KCNQ1OT1: variants seen among roughly 807,000 people sequenced by gnomAD.
The protein encoded by KCNQ1OT1 is KCNQ1 opposite strand/antisense transcript 1, also known as KCNQ1 antisense RNA 2 (non-protein coding).
chr11:2,632,064 T>C, exon 1 of KCNQ1OT1: 2 of 395,892 alleles, frequency 5.1e-6, no homozygotes, highest in Non-Finnish European at 8.9e-6. Flanking sequence ...GTGCCTGTAG[T>C]CCCAGCTACT....
rs529476628 is a variant in KCNQ1OT1, at chr11:2,688,162, C to G, written n.11833G>C. 18 of 398,678 alleles carry G rather than the reference C, an allele frequency of 4.5e-5. No homozygotes were observed. The Admixed American group carries it at 5.7e-4, about 13-fold the overall frequency. 24.7% of individuals were successfully genotyped at this position (398,678 alleles called of 1,614,324 possible). A position where few individuals can be genotyped will look rare whatever the true frequency, so the allele number is the denominator to read the frequency against. On this transcript the variant is annotated non_coding_transcript_exon_variant, in exon 1 of 1. Coordinates refer to ENST00000597346, the Ensembl canonical transcript of KCNQ1OT1. ...GAGAGACCCCACGCAGCTCCCTAGG[C>G]CTCTGCAGACAGCTCCCAAGCAAGG...
At position 2,671,915 on chromosome 11, in the gene KCNQ1OT1, A is replaced by G. The variant is rs1036868959; in HGVS notation, n.28080T>C. 1.0e-5 allele frequency: 4 copies of G among 398,690 alleles called. No homozygotes were observed. 24.7% of individuals were successfully genotyped at this position (398,690 alleles called of 1,614,324 possible). A position where few individuals can be genotyped will look rare whatever the true frequency, so the allele number is the denominator to read the frequency against. On this transcript the variant is annotated non_coding_transcript_exon_variant, in exon 1 of 1. Transcript: ENST00000597346. The surrounding 1 kb of genome is among the most constrained non-coding windows in gnomAD (Gnocchi z 4.7). ...AGGCAGCCAGCCTGTGGGCCCCGCT[A>G]TGCTTCCTCAGGCAGCTAGTCTCTG...
chr11:2,646,060 C>T, exon 1 of KCNQ1OT1: 1 of 398,586 alleles, frequency 2.5e-6, no homozygotes, highest in Non-Finnish European at 4.4e-6. Flanking sequence ...CTTCATGATC[C>T]CAGCCAGTCC....
exon 1 of KCNQ1OT1, chr11:2,648,542 A>G (rs892334744): frequency 5.0e-6 from 2 of 398,540 alleles, no homozygotes; most frequent in Admixed American, 4.4e-5. Context: ...GTGGTCATTC[A>G]GGAACATGTA....
chr11:2,685,934 C>T (rs1850481575), exon 1 of KCNQ1OT1: 1 of 398,782 alleles, frequency 2.5e-6, no homozygotes, highest in Non-Finnish European at 4.4e-6. Context: ...TGGGCCCACT[C>T]TCCCATCCTC....
chr11:2,691,599 A>G lies in KCNQ1OT1; in HGVS notation n.8396T>C, dbSNP rs1408148282. The G allele has an allele frequency of 5.0e-6, 2 of 398,436 alleles. No individual in the cohort carries two copies. Among genetic ancestry groups the G allele is most frequent in the Non-Finnish European group, 8.8e-6 (2 of 226,050 alleles). 24.7% of individuals were successfully genotyped at this position (398,436 alleles called of 1,614,324 possible). ...GGACGAGGCCTCCCTGAGGGAGTCA[A>G]CCTAGCTTGTTCCCTGCACGTACTG... is the stretch of plus-strand genomic sequence containing the variant. On this transcript the variant is annotated non_coding_transcript_exon_variant, in exon 1 of 1. Transcript: ENST00000597346. The surrounding 1 kb of genome is among the most constrained non-coding windows in gnomAD (Gnocchi z 6.4).
chr11:2,622,179 CTG>C, exon 1 of KCNQ1OT1: 1 of 398,358 alleles, frequency 2.5e-6, no homozygotes, highest in Admixed American at 4.4e-5. Context: ...TATTGTAGAA[CTG>C]TCTTTCTCAC....
Position 2,654,541 on chromosome 11 carries a change from C to T in KCNQ1OT1, n.45454G>A, listed in dbSNP as rs1321334763. 1.5e-5 allele frequency: 6 copies of T among 398,552 alleles called. No homozygotes were observed. Among genetic ancestry groups the T allele is most frequent in the Non-Finnish European group, 1.8e-5 (4 of 226,194 alleles). The allele number at this position is 398,552 out of a possible 1,614,324, so 24.7% of individuals were successfully genotyped here. A position where few individuals can be genotyped will look rare whatever the true frequency, so the allele number is the denominator to read the frequency against. On this transcript the variant is annotated non_coding_transcript_exon_variant, in exon 1 of 1. Coordinates refer to ENST00000597346, the Ensembl canonical transcript of KCNQ1OT1. This position sits in a 1 kb window ranked among gnomAD's most constrained non-coding sequence, Gnocchi z 6.4. ...AGCTTGTGGAAGAGGGCTTGGGTTA[C>T]ACCTGGGAGATTAGGCCGGATTTTA... is the stretch of plus-strand genomic sequence containing the variant.
chr11:2,692,356 C>T (rs542135825), exon 1 of KCNQ1OT1: 1 of 398,960 alleles, frequency 2.5e-6, no homozygotes, highest in East Asian at 3.6e-5. Flanking sequence ...CTGCAGGCAT[C>T]TCCTAACTGG....
Position 2,698,079 on chromosome 11 carries a change from A to G in KCNQ1OT1, n.1916T>C. On this transcript the variant is annotated non_coding_transcript_exon_variant, in exon 1 of 1. Coordinates refer to ENST00000597346, the Ensembl canonical transcript of KCNQ1OT1. This position sits in a 1 kb window ranked among gnomAD's most constrained non-coding sequence, Gnocchi z 5.1. Reference sequence around the variant, plus strand: ...AATCCTGCCTGCCTGCTTTCCTTCAAGTACTGACTGAGTAAGGCTGTGTAT... The same window carrying G: ...AATCCTGCCTGCCTGCTTTCCTTCAGGTACTGACTGAGTAAGGCTGTGTAT... 1 of 398,670 alleles carries G rather than the reference A, an allele frequency of 2.5e-6. No individual in the cohort carries two copies. The highest frequency in any genetic ancestry group is 4.4e-6 in the Non-Finnish European group (1 of 226,074). 24.7% of individuals were successfully genotyped at this position (398,670 alleles called of 1,614,324 possible).
At chr11:2,684,625 G>A (rs2133884625) in exon 1 of KCNQ1OT1, 1 of 398,682 alleles carries the variant, frequency 2.5e-6, no homozygotes, top group African/African-American at 2.1e-5. Context: ...TTGAGGCTAA[G>A]CCTTCCTTGA....
At chr11:2,614,056 C>T (rs557833424) in exon 1 of KCNQ1OT1, 1 of 398,582 alleles carries the variant, frequency 2.5e-6, no homozygotes, top group Non-Finnish European at 4.4e-6. Context: ...AACCTTTCAA[C>T]CAATCTCTTA....
At chr11:2,632,894 C>G (rs1488890385) in exon 1 of KCNQ1OT1, 2 of 398,290 alleles carry the variant, frequency 5.0e-6, no homozygotes, top group Non-Finnish European at 8.8e-6. Flanking sequence ...ATGCAAATAT[C>G]TTTTTTATAT....
At chr11:2,644,909 C>T (rs1173393720) in exon 1 of KCNQ1OT1, 1 of 398,720 alleles carries the variant, frequency 2.5e-6, no homozygotes, top group African/African-American at 2.1e-5. Context: ...GGGACACCAG[C>T]TGGGCCAGTC....
chr11:2,694,990 A>G, exon 1 of KCNQ1OT1: 1 of 398,730 alleles, frequency 2.5e-6, no homozygotes, highest in Non-Finnish European at 4.4e-6. Context: ...AGGCTGGCAG[A>G]GCCAAAGCTC....
exon 1 of KCNQ1OT1, chr11:2,619,123 A>G (rs1564835433): frequency 1.5e-5 from 6 of 398,422 alleles, no homozygotes; most frequent in Non-Finnish European, 8.8e-6. Context: ...ATCTTCATAT[A>G]AAGATAATAT....
rs1850428359 is a variant in KCNQ1OT1, at chr11:2,683,236, G to A, written n.16759C>T. 2.5e-6 allele frequency: 1 copy of A among 398,532 alleles called. No homozygotes were observed. Among genetic ancestry groups the A allele is most frequent in the Non-Finnish European group, 4.4e-6 (1 of 226,078 alleles). The allele number at this position is 398,532 out of a possible 1,614,324, so 24.7% of individuals were successfully genotyped here. A position where few individuals can be genotyped will look rare whatever the true frequency, so the allele number is the denominator to read the frequency against. On this transcript the variant is annotated non_coding_transcript_exon_variant, in exon 1 of 1. Coordinates refer to ENST00000597346, the Ensembl canonical transcript of KCNQ1OT1. This position sits in a 1 kb window ranked among gnomAD's most constrained non-coding sequence, Gnocchi z 4.7. ...GGAACTAGAGGTGAGATACAGAGCA[G>A]GAGTCCATGGCACCTCCAGAACCTG...
chr11:2,688,370 G>A lies in KCNQ1OT1; in HGVS notation n.11625C>T, dbSNP rs78979288. 10 of 398,646 alleles carry A rather than the reference G, an allele frequency of 2.5e-5. 1 individual carries two copies. The South Asian group carries it at 7.6e-4, about 30-fold the overall frequency. 24.7% of individuals were successfully genotyped at this position (398,646 alleles called of 1,614,324 possible). ...CCTCTCGTGTCTGGGGAACTTCCCC[G>A]TAGAGGTTTCAATAACTGCCATCCT... On this transcript the variant is annotated non_coding_transcript_exon_variant, in exon 1 of 1. Coordinates refer to ENST00000597346, the Ensembl canonical transcript of KCNQ1OT1.
chr11:2,620,143 A>G lies in KCNQ1OT1; in HGVS notation n.79852T>C. On this transcript the variant is annotated non_coding_transcript_exon_variant, in exon 1 of 1. Coordinates refer to ENST00000597346, the Ensembl canonical transcript of KCNQ1OT1. This position sits in a 1 kb window ranked among gnomAD's most constrained non-coding sequence, Gnocchi z 4.5. ...TTTCTGTTCCTGCATTAATTTGCTT[A>G]AGATAGTGGCCTCTAGCTGCATCCA... The G allele has an allele frequency of 2.5e-6, 1 of 397,408 alleles. No homozygotes were observed. The highest frequency in any genetic ancestry group is 3.6e-5 in the East Asian group (1 of 28,042). The allele number at this position is 397,408 out of a possible 1,614,324, so 24.6% of individuals were successfully genotyped here. A position where few individuals can be genotyped will look rare whatever the true frequency, so the allele number is the denominator to read the frequency against.
Sources: allele counts gnomAD v4.1 joint callset, GRCh38; gene constraint gnomAD v4.1.1; non-coding constraint Gnocchi (gnomAD v3.1); transcripts MANE v1.5; gene names NCBI Gene and HGNC (gene_info 2026-07-23, HGNC 2026-07-21).